The following RABGAP1L variants were observed in gnomAD, a reference collection of about 807,000 sequenced individuals.
RABGAP1L encodes the protein rab GTPase-activating protein 1-like.
A neutral mutation model predicts 137.7 loss-of-function variants in RABGAP1L; 63 were observed. That is an observed-to-expected ratio of 0.46 (90% CI 0.37 to 0.56). The LOEUF (loss-of-function observed/expected upper bound fraction) is 0.56. Ranked by LOEUF, RABGAP1L falls within the 20% of genes least tolerant of loss-of-function variation. The probability of loss-of-function intolerance (pLI) is 0.00; values close to 1 mark genes in which losing one functional copy is unlikely to be tolerated. For synonymous variants in RABGAP1L, 431 were observed against 433.7 expected, an observed-to-expected ratio of 0.99 and a Z score of 0.08; for missense variants, 1,095 against 1,244.0, an observed-to-expected ratio of 0.88 and a Z score of 1.80.
chr1:174,768,936 T>C (rs189532724), intron 18 of RABGAP1L, among the ~76,000 whole-genome samples: 72 of 152,278 alleles, frequency 4.7e-4, no homozygotes, highest in African/African-American at 1.4e-3. Flanking sequence ...CAAGAGTAAT[T>C]ATCTTTGTCT....
At chr1:174,583,653 T>C (rs1425324128) in intron 13 of RABGAP1L, among the ~76,000 whole-genome samples, 1 of 152,106 alleles carries the variant, frequency 6.6e-6, no homozygotes, top group Non-Finnish European at 1.5e-5. Context: ...TAAACCCTAA[T>C]TTGTTCACCG....
intron 1 of RABGAP1L, among the ~76,000 whole-genome samples, chr1:174,205,128 A>G (rs538603771): frequency 1.3e-5 from 2 of 152,242 alleles, no homozygotes; most frequent in East Asian, 1.9e-4. Context: ...TGTTTAACCA[A>G]CTTCACATCC....
At chr1:174,974,145 T>G (rs963009114) in intron 21 of RABGAP1L, among the ~76,000 whole-genome samples, 1 of 152,042 alleles carries the variant, frequency 6.6e-6, no homozygotes, top group Non-Finnish European at 1.5e-5. Context: ...CCTGCCACCA[T>G]GCCCGGCTAA....
intron 18 of RABGAP1L, among the ~76,000 whole-genome samples, chr1:174,758,254 C>A (rs1409533049): frequency 6.6e-6 from 1 of 151,542 alleles, no homozygotes; most frequent in Non-Finnish European, 1.5e-5. Flanking sequence ...CTTTTATCTC[C>A]CCCTCTGCTA....
intron 1 of RABGAP1L, among the ~76,000 whole-genome samples, chr1:174,213,444 G>C (rs1218404318): frequency 6.6e-6 from 1 of 152,118 alleles, no homozygotes; most frequent in East Asian, 1.9e-4. Flanking sequence ...AAAAATAGAG[G>C]AGAAGGGAAT....
chr1:174,428,535 T>G (rs1298684663), intron 13 of RABGAP1L, among the ~76,000 whole-genome samples: 2 of 152,216 alleles, frequency 1.3e-5, no homozygotes, highest in Non-Finnish European at 2.9e-5. Flanking sequence ...TTAAGTTAGT[T>G]TATTATCAAC....
At chr1:174,359,505 A>T (rs1020899331) in intron 11 of RABGAP1L, among the ~76,000 whole-genome samples, 1 of 152,082 alleles carries the variant, frequency 6.6e-6, no homozygotes, top group Non-Finnish European at 1.5e-5. Context: ...AAGTCTCTCA[A>T]TTAAATCTTG....
At chr1:174,836,133 G>A (rs920237276) in intron 19 of RABGAP1L, among the ~76,000 whole-genome samples, 17 of 152,270 alleles carry the variant, frequency 1.1e-4, no homozygotes, top group South Asian at 6.2e-4. Context: ...TGATTTCAAG[G>A]TGGTATCAAG....
intron 13 of RABGAP1L, among the ~76,000 whole-genome samples, chr1:174,616,338 G>C (rs1671860371): frequency 6.6e-6 from 1 of 152,214 alleles, no homozygotes; most frequent in South Asian, 2.1e-4. Flanking sequence ...TTGTCTAAAT[G>C]ATGTTGGGAG....
At chr1:174,416,035 TAC>T (rs570099390) in intron 13 of RABGAP1L, among the ~76,000 whole-genome samples, 5,425 of 83,780 alleles carry the variant, frequency 0.065, 429 homozygotes, top group African/African-American at 0.16. Context: ...TATATATATA[TAC>T]ACACACATTT....
intron 19 of RABGAP1L, among the ~76,000 whole-genome samples, chr1:174,861,420 G>A (rs1319972069): frequency 1.3e-5 from 2 of 152,050 alleles, no homozygotes; most frequent in African/African-American, 4.8e-5. Context: ...GCGAATGTAG[G>A]AGTGCAAATA....
At chr1:174,240,738 G>A (rs1459176276) in intron 4 of RABGAP1L, among the ~76,000 whole-genome samples, 3 of 152,138 alleles carry the variant, frequency 2.0e-5, no homozygotes, top group Non-Finnish European at 4.4e-5. Flanking sequence ...GTATAGAAGT[G>A]GGCTCTCCAG....
chr1:174,544,673 G>T (rs1398603644), intron 13 of RABGAP1L, among the ~76,000 whole-genome samples: 2 of 152,236 alleles, frequency 1.3e-5, no homozygotes, highest in Non-Finnish European at 1.5e-5. Context: ...TGGAGGAGAA[G>T]AGGCCCTCTG....
chr1:174,383,396 C>T (rs1686389813), intron 12 of RABGAP1L, among the ~76,000 whole-genome samples: 1 of 151,884 alleles, frequency 6.6e-6, no homozygotes, highest in African/African-American at 2.4e-5. Context: ...AGCCTCACTG[C>T]CGCCTTGCAG....
At chr1:174,256,413 G>A (rs1673126677) in intron 7 of RABGAP1L, among the ~76,000 whole-genome samples, 1 of 152,120 alleles carries the variant, frequency 6.6e-6, no homozygotes, top group Non-Finnish European at 1.5e-5. Context: ...TAGTTAAGAT[G>A]TCTGATTTCT....
At chr1:174,541,775 CAA>C (rs766403369) in intron 13 of RABGAP1L, among the ~76,000 whole-genome samples, 2 of 134,882 alleles carry the variant, frequency 1.5e-5, no homozygotes, top group African/African-American at 2.7e-5. Flanking sequence ...GACTCCGTCT[CAA>C]AAAAAAAAAA....
At chr1:174,332,543 G>T (rs1018154570) in intron 11 of RABGAP1L, among the ~76,000 whole-genome samples, 3 of 152,012 alleles carry the variant, frequency 2.0e-5, no homozygotes, top group African/African-American at 7.2e-5. Context: ...TTACAGATGT[G>T]CACCACCACG....
At chr1:174,205,476 T>A (rs1445775836) in intron 1 of RABGAP1L, among the ~76,000 whole-genome samples, 1 of 152,126 alleles carries the variant, frequency 6.6e-6, no homozygotes, top group Non-Finnish European at 1.5e-5. Context: ...TTGTTATTGG[T>A]CTCTGTGGGG....
chr1:174,232,359 C>T (rs968501068), intron 4 of RABGAP1L, among the ~76,000 whole-genome samples: 51 of 151,870 alleles, frequency 3.4e-4, no homozygotes, highest in African/African-American at 9.7e-4. Context: ...GTGGCACACG[C>T]CTGTAATCCC....
Sources: allele counts gnomAD v4.1 joint callset (sites outside exome capture counted in the v4.1 genomes callset), GRCh38; gene constraint gnomAD v4.1.1; transcripts MANE v1.5; gene names NCBI Gene and HGNC (gene_info 2026-07-23, HGNC 2026-07-21).